ANKRD33B: variants seen among roughly 807,000 people sequenced by gnomAD.
ANKRD33B encodes the protein ankyrin repeat domain 33B.
Under a neutral mutation model 21.5 loss-of-function variants are expected in ANKRD33B, and 6 were observed. That is an observed-to-expected ratio of 0.28 (90% CI 0.15 to 0.55). The LOEUF (loss-of-function observed/expected upper bound fraction) is 0.55. Ranked by LOEUF, ANKRD33B falls within the 20% of genes least tolerant of loss-of-function variation. ANKRD33B has a pLI of 0.94. For synonymous variants in ANKRD33B, 347 were observed against 342.4 expected (o/e 1.01, Z -0.15); for missense variants, 698 against 747.2 (o/e 0.93, Z 0.77).
At chr5:10,566,610 T>G (rs1220326463) in intron 1 of ANKRD33B, among the ~76,000 whole-genome samples, 2 of 152,166 alleles carry the variant, frequency 1.3e-5, no homozygotes, top group Non-Finnish European at 2.9e-5. Flanking sequence ...ATATAATGTT[T>G]CCTTTAGGGG....
intron 1 of ANKRD33B, among the ~76,000 whole-genome samples, chr5:10,610,171 C>G (rs1736133303): frequency 1.3e-5 from 2 of 152,230 alleles, no homozygotes; most frequent in African/African-American, 4.8e-5. Flanking sequence ...CTGTAACTTT[C>G]ACCCATGAGT....
intron 1 of ANKRD33B, among the ~76,000 whole-genome samples, chr5:10,581,387 C>A (rs1467955393): frequency 6.6e-6 from 1 of 152,224 alleles, no homozygotes; most frequent in Non-Finnish European, 1.5e-5. Flanking sequence ...GTGGCCTGGC[C>A]CTCTGGGCTC....
intron 1 of ANKRD33B, among the ~76,000 whole-genome samples, chr5:10,605,238 C>T (rs1736020349): frequency 6.6e-6 from 1 of 152,152 alleles, no homozygotes; most frequent in African/African-American, 2.4e-5. Context: ...AGGATCTGGC[C>T]TTGGAAGGCA....
At position 10,576,172 on chromosome 5, in the gene ANKRD33B, G is replaced by A. The variant is rs569116842; in HGVS notation, c.366+11339G>A. Among the ~76,000 whole-genome samples, 11 of 152,268 alleles carry A rather than the reference G, an allele frequency of 7.2e-5. No individual in the cohort carries two copies. Among genetic ancestry groups the A allele is most frequent in the East Asian group, 1.9e-4 (1 of 5,190 alleles). On this transcript the variant is annotated intron_variant, in intron 1 of 3. Transcript: ENST00000296657. This position sits in a 1 kb window ranked among gnomAD's most constrained non-coding sequence, Gnocchi z 4.1. The stretch of plus-strand genomic sequence containing the variant: ...TTTCAAAATAAAAAGTTGAATGAGC[G>A]TGAAAAGCTGCACGCATGACCTTTT...
rs1420444356 is a variant in ANKRD33B, at chr5:10,649,316, T to C, written c.688T>C (p.Trp230Arg). The change falls in exon 4 of 4, where the codon TGG (tryptophan) becomes CGG (arginine). Residue 230 changes from tryptophan to arginine, a missense_variant. Physicochemically the swap from Trp to Arg is moderately radical, Grantham distance 101 (BLOSUM62 -3). Coordinates refer to ENST00000296657, the MANE Select transcript of ANKRD33B (RefSeq NM_001164440.2). Reference protein sequence around the residue: ...DPRRGMSPQEWATYTGRVDAV... With the variant: ...DPRRGMSPQERATYTGRVDAV... ...CCGCCGTGGGATGTCGCCGCAGGAG[T>C]GGGCCACTTACACGGGCCGCGTGGA... The C allele has an allele frequency of 1.3e-6, 2 of 1,533,298 alleles. No homozygotes were observed. The highest frequency in any genetic ancestry group is 2.4e-5 in the East Asian group (1 of 40,824). 95.0% of individuals were successfully genotyped at this position (1,533,298 alleles called of 1,614,324 possible). A position where few individuals can be genotyped will look rare whatever the true frequency, so the allele number is the denominator to read the frequency against.
chr5:10,605,181 A>G (rs1248602301), intron 1 of ANKRD33B, among the ~76,000 whole-genome samples: 2 of 152,222 alleles, frequency 1.3e-5, no homozygotes, highest in Admixed American at 1.3e-4. Flanking sequence ...CGGCTTCCTC[A>G]GGAGCCTGCA....
intron 1 of ANKRD33B, among the ~76,000 whole-genome samples, chr5:10,580,166 A>G (rs1362385897): frequency 1.3e-5 from 2 of 152,236 alleles, no homozygotes; most frequent in African/African-American, 2.4e-5. Flanking sequence ...CACATGCAAG[A>G]CATATGTGGG....
chr5:10,618,260 C>G, intron 1 of ANKRD33B, 73 bp from the exon 2 acceptor site: 1 of 1,529,136 alleles, frequency 6.5e-7, no homozygotes, highest in South Asian at 1.2e-5. Flanking sequence ...GTGGGTGCCC[C>G]TCGGGGTCCC....
chr5:10,610,943 C>T (rs984964787), intron 1 of ANKRD33B, among the ~76,000 whole-genome samples: 7 of 152,104 alleles, frequency 4.6e-5, no homozygotes, highest in Admixed American at 4.6e-4. Context: ...ACCTGGGAGG[C>T]CGAGGCAGGA....
intron 1 of ANKRD33B, among the ~76,000 whole-genome samples, chr5:10,595,941 G>C (rs1175145603): frequency 6.6e-6 from 1 of 152,176 alleles, no homozygotes; most frequent in Non-Finnish European, 1.5e-5. Flanking sequence ...GCGCTTCCTG[G>C]AATTACGTGT....
chr5:10,594,197 T>C (rs1735769093), intron 1 of ANKRD33B, among the ~76,000 whole-genome samples: 1 of 151,602 alleles, frequency 6.6e-6, no homozygotes, highest in South Asian at 2.1e-4. Context: ...GCAGAAAATA[T>C]GCATTTTAAA....
chr5:10,630,306 C>T (rs978325361), intron 2 of ANKRD33B, among the ~76,000 whole-genome samples: 1 of 152,222 alleles, frequency 6.6e-6, no homozygotes, highest in Non-Finnish European at 1.5e-5. Flanking sequence ...ATTACTCATC[C>T]TCTTCCTGGG....
intron 1 of ANKRD33B, among the ~76,000 whole-genome samples, chr5:10,602,381 G>A (rs1437555072): frequency 7.2e-5 from 11 of 152,220 alleles, no homozygotes; most frequent in Non-Finnish European, 1.0e-4. Flanking sequence ...TCAAACCTGC[G>A]CCTGGCAGAA....
chr5:10,584,205 T>A (rs953328609), intron 1 of ANKRD33B, among the ~76,000 whole-genome samples: 1 of 152,200 alleles, frequency 6.6e-6, no homozygotes, highest in African/African-American at 2.4e-5. Context: ...TTTTATGAAC[T>A]AATAACACTT....
Position 10,643,587 on chromosome 5 carries a change from G to A in ANKRD33B, c.637+5419G>A, listed in dbSNP as rs140463332. ...TCTCAGCACTGTGGGAGGCTGAGGC[G>A]GGTGGATCACCTGAGGACAGGAGTT... On this transcript the variant is annotated intron_variant, in intron 3 of 3. Transcript: ENST00000296657. Among the ~76,000 whole-genome samples the A allele has an allele frequency of 3.7e-3, 557 of 151,764 alleles. 3 individuals are homozygous for A. Among genetic ancestry groups the A allele is most frequent in the African/African-American group, 0.013 (536 of 41,400 alleles).
chr5:10,638,085 G>T lies in ANKRD33B; in HGVS notation c.554G>T (p.Arg185Met). Residue 185 changes from arginine (R) to methionine (M), a missense_variant, in exon 3 of 4, where the codon AGG (arginine) becomes ATG (methionine). By Grantham distance (91) the Arg-to-Met change is moderately conservative. Coordinates refer to ENST00000296657, the MANE Select transcript of ANKRD33B (RefSeq NM_001164440.2). ...TATTTCCCTGGTCTTGACCTTGAAA[G>T]GAGGAACGCGTTCGGGTTCACCGCC... is the stretch of plus-strand genomic sequence containing the variant. ...LNYFPGLDLE[R>M]RNAFGFTALM... The T allele has an allele frequency of 1.2e-5, 18 of 1,537,568 alleles. No homozygotes were observed. The highest frequency in any genetic ancestry group is 1.6e-5 in the Non-Finnish European group (18 of 1,146,956).
At chr5:10,607,201 TAAC>T (rs1736063851) in intron 1 of ANKRD33B, among the ~76,000 whole-genome samples, 1 of 152,198 alleles carries the variant, frequency 6.6e-6, no homozygotes, top group Non-Finnish European at 1.5e-5. Context: ...GATGCTGTGA[TAAC>T]AAACCACTTC....
intron 1 of ANKRD33B, among the ~76,000 whole-genome samples, chr5:10,611,694 A>G (rs914139192): frequency 6.6e-6 from 1 of 152,162 alleles, no homozygotes; most frequent in Non-Finnish European, 1.5e-5. Context: ...CAAACTTCTA[A>G]CAACACATCC....
intron 1 of ANKRD33B, among the ~76,000 whole-genome samples, chr5:10,575,466 C>A (rs974232439): frequency 7.9e-5 from 12 of 151,626 alleles, no homozygotes; most frequent in Non-Finnish European, 1.2e-4. Context: ...CATTGTTGGG[C>A]CTTACCTTTA....
Sources: allele counts gnomAD v4.1 joint callset (sites outside exome capture counted in the v4.1 genomes callset), GRCh38; gene constraint gnomAD v4.1.1; non-coding constraint Gnocchi (gnomAD v3.1); transcripts MANE v1.5; gene names NCBI Gene and HGNC (gene_info 2026-07-23, HGNC 2026-07-21).